The following SYTL5 variants were observed in gnomAD, a reference collection of about 807,000 sequenced individuals.
SYTL5 encodes synaptotagmin-like protein 5.
In SYTL5, 34 loss-of-function variants were observed where a neutral mutation model predicts 55.9. That is an observed-to-expected ratio of 0.61 (90% CI 0.46 to 0.81). SYTL5 has a LOEUF of 0.81. Among genes scored for constraint, SYTL5 ranks in the 30% least tolerant of loss-of-function variants. SYTL5 has a pLI of 0.00. For synonymous variants in SYTL5, 221 were observed against 188.7 expected, an observed-to-expected ratio of 1.17 and a Z score of -1.40; for missense variants, 637 against 546.7, an observed-to-expected ratio of 1.17 and a Z score of -1.65.
chrX:37,926,687 C>T, the SYTL5 span, among the ~76,000 whole-genome samples: 1 of 111,691 alleles, frequency 9.0e-6, no homozygotes, highest in South Asian at 3.7e-4. Context: ...CATCTCTTAG[C>T]TATTTTTTAA....
intron 1 of SYTL5, among the ~76,000 whole-genome samples, chrX:38,032,222 A>G (rs1016468849): frequency 8.9e-6 from 1 of 111,816 alleles, no homozygotes; most frequent in Non-Finnish European, 1.9e-5. Flanking sequence ...ATTGTAGTTC[A>G]TAGATCTTGG....
intron 2 of SYTL5, among the ~76,000 whole-genome samples, chrX:38,045,792 A>T (rs1935444138): frequency 8.9e-6 from 1 of 112,408 alleles, no homozygotes; most frequent in Non-Finnish European, 1.9e-5. Flanking sequence ...AACTAATCAA[A>T]AGTTATACAA....
chrX:37,950,644 G>C, the SYTL5 span, among the ~76,000 whole-genome samples: 26 of 110,602 alleles, frequency 2.4e-4, no homozygotes, highest in Admixed American at 2.0e-3. Context: ...CTTTAATATT[G>C]GTTGAAATTA....
the SYTL5 span, among the ~76,000 whole-genome samples, chrX:37,965,984 T>G: frequency 8.9e-6 from 1 of 112,522 alleles, no homozygotes; most frequent in Non-Finnish European, 1.9e-5. Flanking sequence ...AACCTATTTG[T>G]GTACTTAAAC....
chrX:38,046,850 T>C (rs4351537), intron 2 of SYTL5, among the ~76,000 whole-genome samples: 11,023 of 111,314 alleles, frequency 0.099, 869 homozygotes, highest in Admixed American at 0.23. Context: ...CCATTCCAAA[T>C]GGGAGAGATT....
chrX:37,957,269 CT>C, the SYTL5 span, among the ~76,000 whole-genome samples: 2 of 111,037 alleles, frequency 1.8e-5, no homozygotes, highest in African/African-American at 6.5e-5. Context: ...TGTGTAGAAG[CT>C]TTTTGGTTTG....
chrX:37,971,066 T>C, the SYTL5 span, among the ~76,000 whole-genome samples: 1 of 112,038 alleles, frequency 8.9e-6, no homozygotes, highest in Non-Finnish European at 1.9e-5. Context: ...AGTCTTCCTT[T>C]TTTTCTAAGT....
the SYTL5 span, among the ~76,000 whole-genome samples, chrX:37,968,477 G>C: frequency 9.0e-6 from 1 of 111,436 alleles, no homozygotes; most frequent in East Asian, 2.8e-4. Context: ...ATTTGATAAG[G>C]CTTCTTAAAT....
chrX:38,035,663 G>A lies in SYTL5; in HGVS notation c.119+1655G>A, dbSNP rs574818278. Reference sequence around the variant, plus strand: ...TGTAATCCCAGCACTTTGGGAGGCAGAGGTGGGCGGATCAGGAGGTGGGGA... The same window carrying A: ...TGTAATCCCAGCACTTTGGGAGGCAAAGGTGGGCGGATCAGGAGGTGGGGA... On this transcript the variant is annotated intron_variant, in intron 2 of 16. Transcript: ENST00000297875. Among the ~76,000 whole-genome samples, 83 of 110,545 alleles carry A rather than the reference G, an allele frequency of 7.5e-4. No individual in the cohort carries two copies. In the South Asian group the frequency reaches 0.02, roughly 27 times the overall value.
chrX:38,030,039 C>A (rs887271643), intron 1 of SYTL5, among the ~76,000 whole-genome samples: 19 of 111,376 alleles, frequency 1.7e-4, no homozygotes, highest in African/African-American at 6.2e-4. Flanking sequence ...GATCCTGGAT[C>A]CCAAAAAGAG....
intron 5 of SYTL5, among the ~76,000 whole-genome samples, chrX:38,075,254 C>T (rs1318523336): frequency 9.0e-6 from 1 of 111,428 alleles, no homozygotes; most frequent in Non-Finnish European, 1.9e-5. Flanking sequence ...TCTCAGTCAT[C>T]AAGGAATATA....
chrX:38,030,158 A>C (rs991415756), intron 1 of SYTL5, among the ~76,000 whole-genome samples: 18 of 111,236 alleles, frequency 1.6e-4, no homozygotes, highest in African/African-American at 5.9e-4. Context: ...ACATGCAAAA[A>C]GCCACATATT....
At position 38,102,976 on chromosome X, in the gene SYTL5, T is replaced by C. The variant is rs185367265; in HGVS notation, c.1155+542T>C. 4.3e-6 allele frequency: 4 copies of C among 934,220 alleles called. No homozygotes were observed. The East Asian group carries it at 1.0e-4, about 24-fold the overall frequency. The allele number at this position is 934,220 out of a possible 1,213,427, so 77.0% of individuals were successfully genotyped here. ...TCTTTTTCTTGGCTTCTCTGATTTC[T>C]GTTGCTCTGATGCTTTTTTTCTTTT... On this transcript the variant is annotated intron_variant, in intron 10 of 16. Coordinates refer to ENST00000297875, the MANE Select transcript of SYTL5 (RefSeq NM_138780.3).
intron 2 of SYTL5, among the ~76,000 whole-genome samples, chrX:38,040,312 T>C (rs942957004): frequency 9.8e-5 from 11 of 111,891 alleles, no homozygotes; most frequent in Non-Finnish European, 1.5e-4. Flanking sequence ...TCCTCAAGTG[T>C]TTATCCCTTG....
At chrX:37,903,108 G>T in the SYTL5 span, among the ~76,000 whole-genome samples, 3,742 of 110,727 alleles carry the variant, frequency 0.034, 181 homozygotes, top group African/African-American at 0.12. Context: ...GGTGGGACTG[G>T]AAACTAGTTC....
At chrX:38,123,418 C>T (rs1463881112) in intron 15 of SYTL5, among the ~76,000 whole-genome samples, 1 of 112,028 alleles carries the variant, frequency 8.9e-6, no homozygotes, top group East Asian at 2.8e-4. Context: ...CATGAGCCAC[C>T]GTGCCTGGCC....
chrX:37,969,370 C>A, the SYTL5 span, among the ~76,000 whole-genome samples: 1 of 111,461 alleles, frequency 9.0e-6, no homozygotes, highest in East Asian at 2.8e-4. Flanking sequence ...TAGAAGGCAT[C>A]TGAGCTAGCT....
chrX:38,074,516 G>C (rs1422038606), intron 5 of SYTL5, among the ~76,000 whole-genome samples: 1 of 111,246 alleles, frequency 9.0e-6, no homozygotes, highest in Non-Finnish European at 1.9e-5. Context: ...CTCCCAAGTA[G>C]CTGGTACTAC....
chrX:38,020,007 A>G (rs923256099), intron 1 of SYTL5, among the ~76,000 whole-genome samples: 6 of 111,257 alleles, frequency 5.4e-5, no homozygotes, highest in African/African-American at 1.3e-4. Context: ...AACTCATTCT[A>G]TCTGTTCTTT....
Sources: gnomAD v4.1 joint callset for allele counts (sites outside exome capture counted in the v4.1 genomes callset) on GRCh38, gnomAD v4.1.1 for gene constraint, MANE v1.5 for transcripts, NCBI Gene and HGNC (gene_info 2026-07-23, HGNC 2026-07-21) for gene names.